Variants in NLGN1 observed in about 807,000 individuals in gnomAD.
NLGN1 encodes the protein neuroligin 1, also known as neuroligin-1.
In NLGN1, 12 loss-of-function variants were observed where a neutral mutation model predicts 65.5. The ratio of observed to expected loss-of-function variants is 0.18; its 90% CI spans 0.12 to 0.30. The LOEUF is 0.30. Ranked by LOEUF, NLGN1 falls within the 10% of genes least tolerant of loss-of-function variation. The pLI is 1.00. For missense variants in NLGN1, 750 were observed against 1,007.1 expected, an observed-to-expected ratio of 0.74 and a Z score of 3.46; for synonymous variants, 350 against 359.5, an observed-to-expected ratio of 0.97 and a Z score of 0.30.
At chr3:174,294,012 T>C in the NLGN1 span, among the ~76,000 whole-genome samples, 1 of 151,658 alleles carries the variant, frequency 6.6e-6, no homozygotes, top group Admixed American at 6.6e-5. Context: ...ATAGAAAGTT[T>C]GGAAAAAGCA....
chr3:174,220,086 C>G (rs1441299015), intron 4 of NLGN1, among the ~76,000 whole-genome samples: 1 of 73,366 alleles, frequency 1.4e-5, no homozygotes, highest in East Asian at 5.4e-4. Context: ...AAGAGAGAGA[C>G]AACACTAACG....
At chr3:173,761,743 A>G (rs1411653626) in intron 3 of NLGN1, among the ~76,000 whole-genome samples, 1 of 152,060 alleles carries the variant, frequency 6.6e-6, no homozygotes, top group Non-Finnish European at 1.5e-5. Flanking sequence ...CTTAGCCACC[A>G]TTATATGCGT....
At chr3:174,039,175 G>A (rs565995212) in intron 4 of NLGN1, among the ~76,000 whole-genome samples, 9 of 151,970 alleles carry the variant, frequency 5.9e-5, no homozygotes, top group Non-Finnish European at 1.2e-4. Flanking sequence ...GAGGCATTCA[G>A]TCCCATATAC....
At chr3:173,876,213 T>C (rs1732077292) in intron 4 of NLGN1, among the ~76,000 whole-genome samples, 1 of 152,154 alleles carries the variant, frequency 6.6e-6, no homozygotes, top group Admixed American at 6.5e-5. Flanking sequence ...GTGGAAGTGG[T>C]AATTTTGACA....
In NLGN1 at chr3:173,411,768, T is replaced by C. The variant is rs144098124; in HGVS notation, c.-390+13281T>C. 2.0e-3 allele frequency among the ~76,000 whole-genome samples: 312 copies of C among 152,252 alleles called. 2 individuals carry two copies. Among genetic ancestry groups the C allele is most frequent in the African/African-American group, 7.2e-3 (298 of 41,534 alleles). On this transcript the variant is annotated intron_variant, in intron 1 of 6. Transcript: ENST00000457714. ...TTGTGTGCCAAGAGACATTTCCAGT[T>C]ATGAGGGCTTCTACCTACTTTTTCC...
At chr3:173,508,679 C>A (rs1342270781) in intron 2 of NLGN1, among the ~76,000 whole-genome samples, 1 of 152,066 alleles carries the variant, frequency 6.6e-6, no homozygotes, top group East Asian at 1.9e-4. Flanking sequence ...GGGTCATTTG[C>A]CAGTTTCCTC....
chr3:174,176,639 A>G (rs1729496056), intron 4 of NLGN1, among the ~76,000 whole-genome samples: 1 of 152,046 alleles, frequency 6.6e-6, no homozygotes, highest in African/African-American at 2.4e-5. Context: ...GTTCAAATGC[A>G]GAACAGTGAA....
intron 2 of NLGN1, among the ~76,000 whole-genome samples, chr3:173,445,038 G>GC (rs1373050262): frequency 7.9e-5 from 12 of 151,628 alleles, no homozygotes; most frequent in African/African-American, 2.7e-4. Context: ...GGAGGCCGAG[G>GC]CGGGCGGATC....
rs777206510 is a variant in NLGN1, at chr3:174,254,214, C to T, written c.647-21101C>T. ...CATTTATGCGCACTTACCAGATGCACCAAAATACATACCATATGGCCCTAA... is the reference window on the plus strand; with the variant it reads ...CATTTATGCGCACTTACCAGATGCATCAAAATACATACCATATGGCCCTAA... On this transcript the variant is annotated intron_variant, in intron 4 of 6. Coordinates refer to ENST00000457714, the Ensembl canonical transcript of NLGN1. Among the ~76,000 whole-genome samples, 96 of 151,766 alleles carry T rather than the reference C, an allele frequency of 6.3e-4. 1 individual carries two copies. Among genetic ancestry groups the T allele is most frequent in the Non-Finnish European group, 2.4e-4 (16 of 67,986 alleles).
At chr3:174,226,748 T>A (rs2152811992) in intron 4 of NLGN1, among the ~76,000 whole-genome samples, 1 of 152,022 alleles carries the variant, frequency 6.6e-6, no homozygotes, top group Non-Finnish European at 1.5e-5. Flanking sequence ...AAAATAACAC[T>A]AAATTTTTTT....
Position 174,166,317 on chromosome 3 carries a change from A to G in NLGN1, c.647-108998A>G, listed in dbSNP as rs557577802. Among the ~76,000 whole-genome samples the G allele has an allele frequency of 2.0e-5, 3 of 152,068 alleles. No individual in the cohort carries two copies. The East Asian group carries it at 5.8e-4, about 29-fold the overall frequency. On this transcript the variant is annotated intron_variant, in intron 4 of 6. Transcript: ENST00000457714. ...AAGTTGAGGCCTTTCTAACTTTTTG[A>G]GATAGGCGTTTAGCACTATAAACCT...
chr3:173,572,234 G>A (rs13314492), intron 2 of NLGN1, among the ~76,000 whole-genome samples: 7,938 of 152,232 alleles, frequency 0.052, 660 homozygotes, highest in African/African-American at 0.18. Context: ...GATTTAATTG[G>A]TCTTGAAGGA....
At chr3:173,556,877 A>G (rs1472327287) in intron 2 of NLGN1, among the ~76,000 whole-genome samples, 1 of 151,970 alleles carries the variant, frequency 6.6e-6, no homozygotes, top group Non-Finnish European at 1.5e-5. Context: ...TATTATTTTA[A>G]TATTTAAAGT....
chr3:174,103,598 TAACTC>T (rs1305069433), intron 4 of NLGN1, among the ~76,000 whole-genome samples: 1 of 152,106 alleles, frequency 6.6e-6, no homozygotes, highest in African/African-American at 2.4e-5. Context: ...TAAAGTAACA[TAACTC>T]AGCTGCATTT....
intron 2 of NLGN1, among the ~76,000 whole-genome samples, chr3:173,520,615 A>G (rs571491416): frequency 6.6e-6 from 1 of 152,288 alleles, no homozygotes; most frequent in East Asian, 1.9e-4. Flanking sequence ...GGACCATGAA[A>G]AATCAGGGGC....
At chr3:173,413,748 G>A (rs1478876255) in intron 1 of NLGN1, among the ~76,000 whole-genome samples, 2 of 152,154 alleles carry the variant, frequency 1.3e-5, no homozygotes, top group Non-Finnish European at 2.9e-5. Context: ...GACCCCAGAT[G>A]TCTAGAGAAG....
At chr3:173,771,183 G>A (rs568236184) in intron 3 of NLGN1, among the ~76,000 whole-genome samples, 35 of 152,122 alleles carry the variant, frequency 2.3e-4, no homozygotes, top group South Asian at 4.1e-4. Context: ...TAATCACCCT[G>A]ATTTAAAAAT....
At chr3:173,909,631 A>C (rs1739170337) in intron 4 of NLGN1, among the ~76,000 whole-genome samples, 2 of 152,164 alleles carry the variant, frequency 1.3e-5, no homozygotes, top group South Asian at 4.1e-4. Flanking sequence ...GGGAAGCTTC[A>C]TTGCAACCAC....
At chr3:173,708,272 C>G (rs1289727285) in intron 3 of NLGN1, among the ~76,000 whole-genome samples, 1 of 152,196 alleles carries the variant, frequency 6.6e-6, no homozygotes, top group Non-Finnish European at 1.5e-5. Flanking sequence ...TTGGAATCCT[C>G]TGACCCTTGG....
Sources: gnomAD v4.1 joint callset for allele counts (sites outside exome capture counted in the v4.1 genomes callset) on GRCh38, gnomAD v4.1.1 for gene constraint, MANE v1.5 for transcripts, NCBI Gene and HGNC (gene_info 2026-07-23, HGNC 2026-07-21) for gene names.